VWA8: variants seen among roughly 807,000 people sequenced by gnomAD.
VWA8 encodes von Willebrand factor A domain-containing protein 8.
VWA8 carries 221 observed loss-of-function variants against 241.5 expected under a neutral mutation model. The observed-to-expected ratio is 0.91, with a 90% confidence interval of 0.82 to 1.02. The LOEUF is 1.02. VWA8 is among the 50% of genes least tolerant of loss of function. VWA8 has a pLI of 0.00. For missense variants in VWA8, 2,322 were observed against 2,328.7 expected (o/e 1.00, Z 0.06); for synonymous variants, 852 against 827.1 (o/e 1.03, Z -0.52).
intron 37 of VWA8, among the ~76,000 whole-genome samples, chr13:41,638,640 G>A (rs904606632): frequency 1.3e-5 from 2 of 152,204 alleles, no homozygotes; most frequent in East Asian, 3.8e-4. Flanking sequence ...AGTTACTTGT[G>A]ACTTCAGCAG....
At chr13:41,720,416 T>C (rs185499423) in intron 25 of VWA8, among the ~76,000 whole-genome samples, 2 of 152,124 alleles carry the variant, frequency 1.3e-5, no homozygotes, top group Non-Finnish European at 2.9e-5. Context: ...ATATTTTTAA[T>C]TGACAAATAA....
At chr13:41,690,517 G>T (rs1250189888) in intron 32 of VWA8, among the ~76,000 whole-genome samples, 1 of 152,012 alleles carries the variant, frequency 6.6e-6, no homozygotes, top group Non-Finnish European at 1.5e-5. Flanking sequence ...TAAGAGAAAG[G>T]GTTGTGGGGA....
chr13:41,933,842 C>A (rs1877232356), intron 2 of VWA8, among the ~76,000 whole-genome samples: 1 of 151,886 alleles, frequency 6.6e-6, no homozygotes, highest in African/African-American at 2.4e-5. Flanking sequence ...ATGTAAAATG[C>A]ACAAGTACAA....
At chr13:41,609,567 T>C (rs1437970142) in intron 39 of VWA8, among the ~76,000 whole-genome samples, 1 of 152,140 alleles carries the variant, frequency 6.6e-6, no homozygotes, top group Non-Finnish European at 1.5e-5. Context: ...TCAACTTTTA[T>C]GTTTGAAAAG....
At chr13:41,720,442 A>G (rs2045380517) in intron 25 of VWA8, among the ~76,000 whole-genome samples, 3 of 152,144 alleles carry the variant, frequency 2.0e-5, no homozygotes, top group Admixed American at 2.0e-4. Context: ...GTATATATTT[A>G]TGGGGTACAA....
Position 41,865,686 on chromosome 13 carries a change from C to T in VWA8, c.1425+50G>A, listed in dbSNP as rs935918948. ...GATATCCATAAATTCTGCTGATGGC[C>T]TAAGCATATATGCTTATAGTCCAAG... On this transcript the variant is annotated intron_variant, in intron 12 of 44. Coordinates refer to ENST00000379310, the MANE Select transcript of VWA8 (RefSeq NM_015058.2). 5 of 1,577,254 alleles carry T rather than the reference C, an allele frequency of 3.2e-6. No homozygotes were observed. In the African/African-American group the frequency reaches 6.8e-5, roughly 21 times the overall value.
rs1593830541 is a variant in VWA8 at position 41,868,572 on chromosome 13, A to C, written c.1081-95T>G. On this transcript the variant is annotated intron_variant, in intron 9 of 44. Transcript: ENST00000379310. The stretch of plus-strand genomic sequence containing the variant: ...TACACCTTAATTACAAGTGAAATCC[A>C]TTTTATATTATTATATAAAAGTAGA... 5.9e-6 allele frequency: 8 copies of C among 1,360,652 alleles called. No homozygotes were observed. In the South Asian group the frequency reaches 1.2e-4, roughly 20 times the overall value. The allele number at this position is 1,360,652 out of a possible 1,614,324, so 84.3% of individuals were successfully genotyped here. A position where few individuals can be genotyped will look rare whatever the true frequency, so the allele number is the denominator to read the frequency against.
At chr13:41,616,571 G>A (rs188950052) in intron 37 of VWA8, among the ~76,000 whole-genome samples, 246 of 152,054 alleles carry the variant, frequency 1.6e-3, no homozygotes, top group Non-Finnish European at 3.0e-3. Context: ...TAATGTAAGA[G>A]ATAAGCAGTA....
chr13:41,930,268 G>C (rs1056368516), intron 2 of VWA8, among the ~76,000 whole-genome samples: 4 of 152,134 alleles, frequency 2.6e-5, no homozygotes. Context: ...GCGCACTGTT[G>C]GTAGACATGT....
At chr13:41,700,655 G>A (rs1441012141) in intron 28 of VWA8, among the ~76,000 whole-genome samples, 2 of 152,124 alleles carry the variant, frequency 1.3e-5, no homozygotes, top group Non-Finnish European at 2.9e-5. Context: ...ACAGATACAA[G>A]ATTTATATTT....
At chr13:41,704,442 A>T (rs2045270020) in intron 26 of VWA8, among the ~76,000 whole-genome samples, 1 of 146,628 alleles carries the variant, frequency 6.8e-6, no homozygotes, top group Non-Finnish European at 1.5e-5. Flanking sequence ...AAAACAGCAG[A>T]TAATTTTTTT....
intron 12 of VWA8, among the ~76,000 whole-genome samples, chr13:41,858,851 A>C (rs553043819): frequency 6.6e-6 from 1 of 152,272 alleles, no homozygotes; most frequent in Admixed American, 6.5e-5. Context: ...CTAAGAAGAC[A>C]GGAAGGGTGA....
intron 34 of VWA8, among the ~76,000 whole-genome samples, chr13:41,687,264 T>C (rs1171462463): frequency 6.6e-6 from 1 of 152,164 alleles, no homozygotes; most frequent in Non-Finnish European, 1.5e-5. Context: ...CCATGTTTAA[T>C]AGAATGGTAA....
intron 35 of VWA8, among the ~76,000 whole-genome samples, chr13:41,684,015 T>A (rs1000692526): frequency 6.6e-6 from 1 of 152,192 alleles, no homozygotes; most frequent in Non-Finnish European, 1.5e-5. Flanking sequence ...ACTCTCATCT[T>A]TCAAGAGTCA....
intron 17 of VWA8, among the ~76,000 whole-genome samples, chr13:41,803,846 T>C (rs1870068394): frequency 6.6e-6 from 1 of 152,204 alleles, no homozygotes; most frequent in South Asian, 2.1e-4. Context: ...ATTGAAATAA[T>C]TTTTAAAAAT....
chr13:41,830,623 G>C lies in VWA8; in HGVS notation c.1606C>G (p.Leu536Val). Residue 536 changes from leucine (L) to valine (V), a missense_variant, in exon 14 of 45, where the codon CTA (leucine) becomes GTA (valine). Physicochemically the swap from Leu to Val is conservative, Grantham distance 32. Transcript: ENST00000379310. Reference protein sequence around the residue: ...VLQRLIHDRELSLYDGSRLLR... With the variant: ...VLQRLIHDREVSLYDGSRLLR... Reference sequence around the variant, plus strand: ...AGCCTAGAACCATCATAGAGGCTTAGCTCTCGATCATGGATTAACCTAACA... The same window carrying C: ...AGCCTAGAACCATCATAGAGGCTTACCTCTCGATCATGGATTAACCTAACA... 1 of 1,613,520 alleles carries C rather than the reference G, an allele frequency of 6.2e-7. No individual in the cohort carries two copies. Among genetic ancestry groups the C allele is most frequent in the African/African-American group, 1.3e-5 (1 of 75,008 alleles).
chr13:41,933,559 A>G (rs1877220424), intron 2 of VWA8, among the ~76,000 whole-genome samples: 1 of 152,016 alleles, frequency 6.6e-6, no homozygotes, highest in South Asian at 2.1e-4. Context: ...TGATTTCCAG[A>G]CTAATTGTAA....
rs557980428 is a variant in VWA8, at chr13:41,580,037, TAG to T, written c.5272-4201_5272-4200del. 8.1e-4 allele frequency among the ~76,000 whole-genome samples: 122 copies of T among 151,162 alleles called. 1 individual carries two copies. Among genetic ancestry groups the T allele is most frequent in the African/African-American group, 2.8e-3 (116 of 41,256 alleles). On this transcript the variant is annotated intron_variant, in intron 42 of 44. Coordinates refer to ENST00000379310, the MANE Select transcript of VWA8 (RefSeq NM_015058.2). ...AATTTTTGTATTTTTTTTTTTTTTG[TAG>T]AGACAGGGTCTTGCTACATTGCACA...
chr13:41,690,823 C>G (rs1319165540), intron 32 of VWA8, among the ~76,000 whole-genome samples: 1 of 152,086 alleles, frequency 6.6e-6, no homozygotes, highest in Non-Finnish European at 1.5e-5. Flanking sequence ...AAAGTCGACA[C>G]CGCCTTTCAT....
Sources: gnomAD v4.1 joint callset for allele counts (sites outside exome capture counted in the v4.1 genomes callset) on GRCh38, gnomAD v4.1.1 for gene constraint, MANE v1.5 for transcripts, NCBI Gene and HGNC (gene_info 2026-07-23, HGNC 2026-07-21) for gene names.